The following CCDC88C variants were observed in gnomAD, a reference collection of about 807,000 sequenced individuals.
CCDC88C encodes coiled-coil and HOOK domain protein 88C.
CCDC88C carries 131 observed loss-of-function variants against 198.8 expected under a neutral mutation model. The observed-to-expected ratio is 0.66, with a 90% CI of 0.57 to 0.76. The LOEUF (loss-of-function observed/expected upper bound fraction) is 0.76, where lower values mean the gene tolerates loss of function less well. Among genes scored for constraint, CCDC88C ranks in the 30% least tolerant of loss-of-function variants. The pLI is 0.00. For missense variants in CCDC88C, 2,553 were observed against 2,631.6 expected (o/e 0.97, Z 0.65); for synonymous variants, 1,166 against 1,114.7 (o/e 1.05, Z -0.92).
At chr14:91,320,943 C>T (rs1260025480) in intron 13 of CCDC88C, among the ~76,000 whole-genome samples, 177 bp downstream of exon 13, 2 of 152,208 alleles carry the variant, frequency 1.3e-5, no homozygotes, top group Non-Finnish European at 2.9e-5. Context: ...TCTCCCCAGT[C>T]CTCACTCCCA....
At chr14:91,324,142 G>A (rs1017317374) in intron 12 of CCDC88C, among the ~76,000 whole-genome samples, 30 of 152,376 alleles carry the variant, frequency 2.0e-4, no homozygotes, top group Non-Finnish European at 3.4e-4. Context: ...TGCCGGGGCT[G>A]AGGCTTCCTG....
At chr14:91,277,851 G>C in intron 29 of CCDC88C, 71 bp downstream of exon 29, 1 of 1,433,348 alleles carries the variant, frequency 7.0e-7, no homozygotes, top group Non-Finnish European at 9.2e-7. Flanking sequence ...CCTTTCTGCA[G>C]CTATGATCTT....
chr14:91,340,659 TCTC>T (rs759443826), intron 6 of CCDC88C, among the ~76,000 whole-genome samples: 11 of 151,926 alleles, frequency 7.2e-5, no homozygotes, highest in African/African-American at 1.4e-4. Context: ...TTCGAGCTCT[TCTC>T]CTCTCAATTT....
At chr14:91,345,905 A>G (rs746184107) in intron 4 of CCDC88C, among the ~76,000 whole-genome samples, 30 of 152,056 alleles carry the variant, frequency 2.0e-4, no homozygotes, top group Non-Finnish European at 4.0e-4. Flanking sequence ...TGGCCTGGGT[A>G]ATGTGCAGGG....
In CCDC88C at chr14:91,352,822, G is replaced by A. The variant is rs1893875564; in HGVS notation, c.340+6820C>T. Among the ~76,000 whole-genome samples, 3 of 152,166 alleles carry A rather than the reference G, an allele frequency of 2.0e-5. No individual in the cohort carries two copies. The highest frequency in any genetic ancestry group is 6.5e-5 in the Admixed American group (1 of 15,282). ...ATGGAGCCAGGGGCAGGACTGGGAGGGCCGCAGGGCCAGGAAGACAGGGCT... is the reference window on the plus strand; with the variant it reads ...ATGGAGCCAGGGGCAGGACTGGGAGAGCCGCAGGGCCAGGAAGACAGGGCT... On this transcript the variant is annotated intron_variant, in intron 4 of 29. Coordinates refer to ENST00000389857, the MANE Select transcript of CCDC88C (RefSeq NM_001080414.4). This position sits in a 1 kb window ranked among gnomAD's most constrained non-coding sequence, Gnocchi z 4.2.
chr14:91,355,126 G>C (rs982422688), intron 4 of CCDC88C, among the ~76,000 whole-genome samples: 6 of 152,228 alleles, frequency 3.9e-5, no homozygotes, highest in African/African-American at 1.4e-4. Flanking sequence ...CAGACTGCAG[G>C]GGGCAGAGGT....
chr14:91,368,115 TAC>T (rs1894624607), intron 3 of CCDC88C, among the ~76,000 whole-genome samples: 1 of 152,184 alleles, frequency 6.6e-6, no homozygotes. Context: ...ATATATTGAG[TAC>T]ACAGTTTTTA....
In CCDC88C at chr14:91,325,000, AGCTACCGTCATGT is replaced by A. The variant is rs1432288313; in HGVS notation, c.1198-90_1198-78del. Reference sequence around the variant, plus strand: ...CCTGGACAAGCCTCAGCCCCTGTATAGCTACCGTCATGTGCTGTGGATGAAGATGTACTGGCTC... The same window carrying A: ...CCTGGACAAGCCTCAGCCCCTGTATAGCTGTGGATGAAGATGTACTGGCTC... On this transcript the variant is annotated intron_variant, in intron 11 of 29. Transcript: ENST00000389857. The A allele has an allele frequency of 4.9e-5, 77 of 1,564,330 alleles. No individual in the cohort carries two copies. In the African/African-American group the frequency reaches 8.8e-4, roughly 18 times the overall value.
intron 10 of CCDC88C, among the ~76,000 whole-genome samples, chr14:91,329,729 GGCT>G (rs1235684597): frequency 2.6e-5 from 4 of 152,206 alleles, no homozygotes; most frequent in Admixed American, 2.6e-4. Context: ...AACTGCCAGT[GGCT>G]GCTAAACCTG....
chr14:91,326,224 T>G (rs1339282798), intron 10 of CCDC88C, among the ~76,000 whole-genome samples, 168 bp from the exon 11 acceptor site: 1 of 151,856 alleles, frequency 6.6e-6, no homozygotes, highest in Non-Finnish European at 1.5e-5. Context: ...CATCTTCACC[T>G]TTTTTTTGAG....
intron 2 of CCDC88C, among the ~76,000 whole-genome samples, chr14:91,413,293 T>C (rs1157808392): frequency 3.9e-5 from 6 of 152,296 alleles, no homozygotes; most frequent in African/African-American, 9.6e-5. Flanking sequence ...TCTATATACA[T>C]AGTTTTATTT....
chr14:91,338,515 G>A lies in CCDC88C; in HGVS notation c.865C>T (p.Leu289=). 1 of 1,570,890 alleles carries A rather than the reference G, an allele frequency of 6.4e-7. No homozygotes were observed. Among genetic ancestry groups the A allele is most frequent in the African/African-American group, 1.4e-5 (1 of 73,700 alleles). Residue 289 remains leucine (L), a synonymous_variant, in exon 9 of 30, where the codon CTG becomes TTG. Transcript: ENST00000389857. The surrounding 1 kb of genome is among the most constrained non-coding windows in gnomAD (Gnocchi z 4.8). ...DTRHEVDQLV[L]ELQKVKQENI... is the part of the protein sequence containing the mutation. ...TCCTGCTTAACTTTCTGCAGTTCCA[G>A]CACCAGCTGGTCCACCTCATGTCTG...
intron 5 of CCDC88C, 43 bp from the exon 6 acceptor site, chr14:91,342,506 A>AG (rs1168149316): frequency 1.6e-5 from 21 of 1,303,654 alleles, no homozygotes; most frequent in Non-Finnish European, 2.3e-5. Flanking sequence ...TGTTCAAGTG[A>AG]GGGTGAAGCT....
chr14:91,374,219 C>T (rs1000528940), intron 3 of CCDC88C, among the ~76,000 whole-genome samples: 1 of 152,180 alleles, frequency 6.6e-6, no homozygotes, highest in African/African-American at 2.4e-5. Context: ...TTATTTCGAA[C>T]AGCAATAAAT....
chr14:91,330,889 C>T (rs1384054068), intron 10 of CCDC88C, among the ~76,000 whole-genome samples: 1 of 151,890 alleles, frequency 6.6e-6, no homozygotes. Context: ...GGCAGGTGAG[C>T]CATCCCTGGA....
At chr14:91,375,317 C>T (rs1884336288) in intron 3 of CCDC88C, among the ~76,000 whole-genome samples, 1 of 152,128 alleles carries the variant, frequency 6.6e-6, no homozygotes, top group Admixed American at 6.5e-5. Context: ...GTGTGAACAG[C>T]CTGAATCTAA....
intron 3 of CCDC88C, among the ~76,000 whole-genome samples, chr14:91,382,318 G>T (rs574345930): frequency 8.5e-5 from 13 of 152,248 alleles, no homozygotes; most frequent in Admixed American, 7.9e-4. Context: ...AAACCTATCT[G>T]CCACTCCCTG....
chr14:91,344,810 T>C (rs1893461741), intron 4 of CCDC88C, among the ~76,000 whole-genome samples: 1 of 151,712 alleles, frequency 6.6e-6, no homozygotes, highest in Admixed American at 6.6e-5. Context: ...CTTTTTTTTT[T>C]TTCTGATACA....
intron 20 of CCDC88C, among the ~76,000 whole-genome samples, chr14:91,301,046 C>T (rs7154073): frequency 0.35 from 52,782 of 152,100 alleles, 9,656 homozygotes; most frequent in Non-Finnish European, 0.42. Context: ...GTTGGAAAAG[C>T]ACATTAATCA....
Sources: gnomAD v4.1 joint callset for allele counts (sites outside exome capture counted in the v4.1 genomes callset) on GRCh38, gnomAD v4.1.1 for gene constraint, Gnocchi (gnomAD v3.1) non-coding constraint, MANE v1.5 for transcripts, NCBI Gene and HGNC (gene_info 2026-07-23, HGNC 2026-07-21) for gene names.